UNC5D: variants seen among roughly 807,000 people sequenced by gnomAD.
UNC5D encodes the protein unc-5 netrin receptor D.
In UNC5D, 39 loss-of-function variants were observed where a neutral mutation model predicts 105.4. The observed-to-expected ratio is 0.37, with a 90% confidence interval of 0.29 to 0.48. The LOEUF is 0.48. Ranked by LOEUF, UNC5D falls within the 20% of genes least tolerant of loss-of-function variation. UNC5D has a pLI of 0.98. For synonymous variants in UNC5D, 452 were observed against 450.4 expected (o/e 1.00, Z -0.04); for missense variants, 991 against 1,202.4 (o/e 0.82, Z 2.60).
intron 4 of UNC5D, among the ~76,000 whole-genome samples, chr8:35,640,400 C>T (rs934895914): frequency 1.3e-5 from 2 of 152,122 alleles, no homozygotes; most frequent in African/African-American, 2.4e-5. Context: ...TAATGGAACT[C>T]AGAATAATGT....
At chr8:35,749,790 G>A (rs946189557) in intron 12 of UNC5D, among the ~76,000 whole-genome samples, 19 of 152,046 alleles carry the variant, frequency 1.2e-4, no homozygotes, top group Non-Finnish European at 2.1e-4. Context: ...CACAGATGGT[G>A]TTATATTTAT....
intron 1 of UNC5D, among the ~76,000 whole-genome samples, chr8:35,443,936 G>T (rs1807604562): frequency 6.6e-6 from 1 of 151,752 alleles, no homozygotes; most frequent in African/African-American, 2.4e-5. Flanking sequence ...TTTCTTCACT[G>T]CTTTTAATAT....
intron 1 of UNC5D, among the ~76,000 whole-genome samples, chr8:35,266,138 T>C (rs1452664304): frequency 6.6e-6 from 1 of 152,154 alleles, no homozygotes; most frequent in Non-Finnish European, 1.5e-5. Flanking sequence ...AAAATCATCT[T>C]TCAATTTAGT....
chr8:35,726,545 G>C lies in UNC5D; in HGVS notation c.1681+16G>C, dbSNP rs1382349013. 1 of 1,605,378 alleles carries C rather than the reference G, an allele frequency of 6.2e-7. No homozygotes were observed. The highest frequency in any genetic ancestry group is 8.5e-7 in the Non-Finnish European group (1 of 1,178,134). On this transcript the variant is annotated intron_variant, in intron 10 of 16. Transcript: ENST00000404895. ...CCAAATACAGGTGGGTGGTAAGTGT[G>C]TGTTTGTGTATTTTCCATCATTTAA...
intron 1 of UNC5D, among the ~76,000 whole-genome samples, chr8:35,451,430 C>T (rs913179366): frequency 6.6e-6 from 1 of 152,048 alleles, no homozygotes; most frequent in African/African-American, 2.4e-5. Context: ...ATTTTAAGCT[C>T]TTTATATATA....
intron 7 of UNC5D, among the ~76,000 whole-genome samples, chr8:35,694,786 G>A (rs978164938): frequency 2.6e-5 from 4 of 151,950 alleles, no homozygotes; most frequent in Non-Finnish European, 5.9e-5. Flanking sequence ...CACAATCATA[G>A]CTTACTGCAG....
intron 1 of UNC5D, among the ~76,000 whole-genome samples, chr8:35,540,011 C>T (rs1413365686): frequency 6.6e-6 from 1 of 152,148 alleles, no homozygotes; most frequent in Non-Finnish European, 1.5e-5. Context: ...TTCTGTCATT[C>T]AATGTTGCAT....
chr8:35,500,945 T>C (rs1030625638), intron 1 of UNC5D, among the ~76,000 whole-genome samples: 1 of 150,218 alleles, frequency 6.7e-6, no homozygotes. Context: ...TCAAAGGAAA[T>C]AGGAGGAAAG....
chr8:35,320,208 G>A (rs887522863), intron 1 of UNC5D, among the ~76,000 whole-genome samples: 3 of 151,978 alleles, frequency 2.0e-5, no homozygotes, highest in African/African-American at 7.3e-5. Context: ...AATTCGAAGT[G>A]GGGGTGGGGG....
chr8:35,724,827 G>A (rs1209534330), intron 9 of UNC5D, among the ~76,000 whole-genome samples: 1 of 152,022 alleles, frequency 6.6e-6, no homozygotes, highest in Non-Finnish European at 1.5e-5. Context: ...TTCTTTCCTG[G>A]GAAGACCATA....
intron 2 of UNC5D, among the ~76,000 whole-genome samples, chr8:35,565,148 T>C (rs1817247311): frequency 6.6e-6 from 1 of 152,160 alleles, no homozygotes; most frequent in Non-Finnish European, 1.5e-5. Flanking sequence ...TCTACTTTAG[T>C]CTTTTGAGAA....
chr8:35,435,546 T>C (rs1806950406), intron 1 of UNC5D, among the ~76,000 whole-genome samples: 2 of 152,126 alleles, frequency 1.3e-5, no homozygotes, highest in Non-Finnish European at 1.5e-5. Context: ...AATAATCCAA[T>C]TGACTACATC....
intron 2 of UNC5D, among the ~76,000 whole-genome samples, chr8:35,563,166 G>T (rs975447025): frequency 6.6e-6 from 1 of 151,876 alleles, no homozygotes; most frequent in Non-Finnish European, 1.5e-5. Context: ...TTTTAATAGG[G>T]AGTGTCTTGA....
chr8:35,318,163 T>C (rs1219814458), intron 1 of UNC5D, among the ~76,000 whole-genome samples: 1 of 151,860 alleles, frequency 6.6e-6, no homozygotes, highest in East Asian at 1.9e-4. Flanking sequence ...GTCATTTTCA[T>C]GCGCTGCCTC....
chr8:35,553,035 T>G (rs2130709651), intron 2 of UNC5D, among the ~76,000 whole-genome samples: 1 of 152,316 alleles, frequency 6.6e-6, no homozygotes, highest in South Asian at 2.1e-4. Context: ...TCCTAGATTT[T>G]GCCCACCAAT....
At chr8:35,528,039 GT>G (rs398007485) in intron 1 of UNC5D, among the ~76,000 whole-genome samples, 34,438 of 125,134 alleles carry the variant, frequency 0.28, 4,825 homozygotes, top group African/African-American at 0.45. Context: ...GAAACAGCTG[GT>G]TTTTTTTTTT....
chr8:35,497,186 A>G (rs1421659526), intron 1 of UNC5D, among the ~76,000 whole-genome samples: 1 of 152,204 alleles, frequency 6.6e-6, no homozygotes, highest in Non-Finnish European at 1.5e-5. Flanking sequence ...GTACTAGGGA[A>G]TACTTAGCAA....
intron 1 of UNC5D, among the ~76,000 whole-genome samples, chr8:35,251,525 A>G (rs1485589097): frequency 1.3e-5 from 2 of 152,318 alleles, no homozygotes; most frequent in Admixed American, 6.5e-5. Flanking sequence ...GAATGTTGGC[A>G]CACAACGTTT....
intron 1 of UNC5D, among the ~76,000 whole-genome samples, chr8:35,274,083 C>G (rs1164595802): frequency 1.3e-5 from 2 of 151,950 alleles, no homozygotes; most frequent in Non-Finnish European, 1.5e-5. Flanking sequence ...GAATGGAGCT[C>G]ATTTTAACCT....
Sources: allele counts gnomAD v4.1 joint callset (sites outside exome capture counted in the v4.1 genomes callset), GRCh38; gene constraint gnomAD v4.1.1; transcripts MANE v1.5; gene names NCBI Gene and HGNC (gene_info 2026-07-23, HGNC 2026-07-21).